The following NBEAL1 variants were observed in gnomAD, a reference collection of about 807,000 sequenced individuals.
The protein encoded by NBEAL1 is neurobeachin like 1.
Under a neutral mutation model 351.3 loss-of-function variants are expected in NBEAL1, and 273 were observed. That is an observed-to-expected ratio of 0.78 (90% confidence interval 0.70 to 0.86). NBEAL1 has a LOEUF of 0.86. Ranked by LOEUF, NBEAL1 falls within the 40% of genes least tolerant of loss-of-function variation. The pLI, the probability that NBEAL1 is intolerant of heterozygous loss-of-function variation, is 0.00. For synonymous variants in NBEAL1, 1,050 were observed against 1,086.4 expected (o/e 0.97, Z 0.66); for missense variants, 2,961 against 3,201.3 (o/e 0.92, Z 1.81).
At chr2:203,114,140 A>G (rs558403199) in intron 17 of NBEAL1, among the ~76,000 whole-genome samples, 1 of 152,200 alleles carries the variant, frequency 6.6e-6, no homozygotes, top group South Asian at 2.1e-4. Context: ...GTCTCTTATT[A>G]TAAGGGGTTC....
chr2:203,111,889 T>C, intron 15 of NBEAL1, 90 bp from the exon 16 acceptor site: 1 of 1,380,754 alleles, frequency 7.2e-7, no homozygotes, highest in Non-Finnish European at 9.8e-7. Flanking sequence ...CTACTATTTG[T>C]ACAAATTATA....
chr2:203,037,137 C>T (rs907209467), intron 2 of NBEAL1, among the ~76,000 whole-genome samples: 3 of 149,108 alleles, frequency 2.0e-5, no homozygotes, highest in Non-Finnish European at 4.5e-5. Flanking sequence ...ATTTTAGAAC[C>T]GTATATTAAT....
chr2:203,055,357 C>G (rs1472122204), intron 4 of NBEAL1, among the ~76,000 whole-genome samples: 1 of 151,924 alleles, frequency 6.6e-6, no homozygotes, highest in Non-Finnish European at 1.5e-5. Flanking sequence ...AATCCCAGAC[C>G]TTTGGGAGGC....
intron 46 of NBEAL1, among the ~76,000 whole-genome samples, chr2:203,191,956 C>G (rs1011922653): frequency 6.6e-6 from 1 of 152,186 alleles, no homozygotes; most frequent in African/African-American, 2.4e-5. Context: ...GCAACTTTCT[C>G]TTAATCATCT....
chr2:203,202,660 CATTTT>C (rs759832165), intron 50 of NBEAL1, 22 bp from the exon 51 acceptor site: 4 of 1,312,244 alleles, frequency 3.0e-6, no homozygotes, highest in Non-Finnish European at 3.3e-6. Flanking sequence ...CGAGGCATCT[CATTTT>C]ATTTAATTCC....
At chr2:203,114,172 C>T (rs1394619927) in intron 17 of NBEAL1, among the ~76,000 whole-genome samples, 1 of 152,082 alleles carries the variant, frequency 6.6e-6, no homozygotes. Flanking sequence ...GGCCCCATCC[C>T]GATGACTTCA....
chr2:203,084,405 G>A (rs2061927673), intron 9 of NBEAL1, 58 bp from the exon 10 acceptor site: 4 of 842,564 alleles, frequency 4.7e-6, no homozygotes, highest in Non-Finnish European at 7.0e-6. Flanking sequence ...TAGAGTAAAT[G>A]TTTGTATGAT....
chr2:203,192,435 A>G lies in NBEAL1; in HGVS notation c.6922-1360A>G, dbSNP rs1575111256. Among the ~76,000 whole-genome samples the G allele has an allele frequency of 5.4e-5, 8 of 148,836 alleles. No homozygotes were observed. The South Asian group carries it at 1.7e-3, about 32-fold the overall frequency. ...GTTTTGCCCTTGTTGCCCAGTCTGG[A>G]GTACAATGGCACAATCTCGGGTTAC... On this transcript the variant is annotated intron_variant, in intron 46 of 55. Transcript: ENST00000683969.
At chr2:203,209,749 T>TGTGTA (rs1553507784) in intron 53 of NBEAL1, among the ~76,000 whole-genome samples, 1 of 27,024 alleles carries the variant, frequency 3.7e-5, no homozygotes, top group African/African-American at 7.0e-5. Flanking sequence ...GTGTGTGTAT[T>TGTGTA]TTTTTCTGAG....
rs145886512 is a variant in NBEAL1 at position 203,100,981 on chromosome 2, A to G, written c.1269+1269A>G. On this transcript the variant is annotated intron_variant, in intron 12 of 55. Transcript: ENST00000683969. ...GACCTTTGTTGGATGCATGGTTTGC[A>G]AATAGTTTCTCCCATTCTGTAGGTT... 2.2e-3 allele frequency among the ~76,000 whole-genome samples: 337 copies of G among 152,292 alleles called. 5 individuals carry two copies. The highest frequency in any genetic ancestry group is 0.02 in the Admixed American group (313 of 15,294).
chr2:203,135,148 C>G (rs1388147961), intron 27 of NBEAL1, among the ~76,000 whole-genome samples: 2 of 149,218 alleles, frequency 1.3e-5, no homozygotes, highest in Non-Finnish European at 3.0e-5. Flanking sequence ...TGCACTGGTG[C>G]GACAGAGCAA....
rs529545257 is a variant in NBEAL1, at chr2:203,097,558, T to A, written c.1110T>A (p.Asn370Lys). 1 of 984,626 alleles carries A rather than the reference T, an allele frequency of 1.0e-6. No homozygotes were observed. The highest frequency in any genetic ancestry group is 1.7e-5 in the African/African-American group (1 of 57,350). The allele number at this position is 984,626 out of a possible 1,614,324, so 61.0% of individuals were successfully genotyped here. The change falls in exon 11 of 56, where the codon AAT becomes AAA. Residue 370 changes from asparagine to lysine, a missense_variant. Coordinates refer to ENST00000683969, the MANE Select transcript of NBEAL1 (RefSeq NM_001378026.1). Reference protein sequence around the residue: ...RLLQNCKLFLNANNKVADKNE... With the variant: ...RLLQNCKLFLKANNKVADKNE... ...TCTGTTTTTAACAGCTATTTTTAAA[T>A]GCTAACAATAAGGTGGCAGACAAGA...
rs1470969645 is a variant in NBEAL1 at position 203,223,927 on chromosome 2, G to C, written c.*6573G>C. ...TTAATCACTAAACACTTTAAGAAGTGGTTCTGGTAGGATATCAGTAGTCAG... is the reference window on the plus strand; with the variant it reads ...TTAATCACTAAACACTTTAAGAAGTCGTTCTGGTAGGATATCAGTAGTCAG... On this transcript the variant is annotated 3_prime_UTR_variant, in exon 56 of 56. Transcript: ENST00000683969. 1.3e-5 allele frequency among the ~76,000 whole-genome samples: 2 copies of C among 152,000 alleles called. No homozygotes were observed. Among genetic ancestry groups the C allele is most frequent in the Non-Finnish European group, 2.9e-5 (2 of 67,914 alleles).
intron 10 of NBEAL1, among the ~76,000 whole-genome samples, chr2:203,095,712 A>G (rs548367888): frequency 6.6e-6 from 1 of 152,178 alleles, no homozygotes; most frequent in East Asian, 1.9e-4. Flanking sequence ...AATATGAAAT[A>G]TTATTCCTTT....
At chr2:203,126,422 T>G in intron 21 of NBEAL1, 135 bp from the exon 22 acceptor site, 1 of 720,536 alleles carries the variant, frequency 1.4e-6, no homozygotes, top group Non-Finnish European at 2.1e-6. Flanking sequence ...AAACCAATAC[T>G]TAAGTTTTTA....
intron 37 of NBEAL1, among the ~76,000 whole-genome samples, chr2:203,167,024 G>A (rs1183186382): frequency 6.6e-6 from 1 of 152,136 alleles, no homozygotes; most frequent in Non-Finnish European, 1.5e-5. Flanking sequence ...ATTCTAATGG[G>A]AAGGCAGTAG....
rs1185915703 is a variant in NBEAL1, at chr2:203,219,716, T to C, written c.*2362T>C. On this transcript the variant is annotated 3_prime_UTR_variant, in exon 56 of 56. Coordinates refer to ENST00000683969, the MANE Select transcript of NBEAL1 (RefSeq NM_001378026.1). ...TAAAAATACAAAAATTAGCCGGGCA[T>C]GGTGGCACATGCCTATAGTCCCAGC... 2 of 152,128 alleles carry C rather than the reference T, an allele frequency of 1.3e-5. No homozygotes were observed. The highest frequency in any genetic ancestry group is 3.9e-4 in the East Asian group (2 of 5,182). 9.4% of individuals were successfully genotyped at this position (152,128 alleles called of 1,614,324 possible).
chr2:203,159,959 T>A (rs115175886), intron 36 of NBEAL1, among the ~76,000 whole-genome samples: 1 of 152,190 alleles, frequency 6.6e-6, no homozygotes, highest in African/African-American at 2.4e-5. Context: ...TGAAGTCGTT[T>A]CTATCTTATT....
chr2:203,220,628 AG>A lies in NBEAL1; in HGVS notation c.*3275del, dbSNP rs2065944145. On this transcript the variant is annotated 3_prime_UTR_variant, in exon 56 of 56. Coordinates refer to ENST00000683969, the MANE Select transcript of NBEAL1 (RefSeq NM_001378026.1). ...ATAATTATTTTACTTTTGGAAAATGAGATCAAGTATTAAAACATGTAATAGC... is the reference window on the plus strand; with the variant it reads ...ATAATTATTTTACTTTTGGAAAATGAATCAAGTATTAAAACATGTAATAGC... 6.6e-6 allele frequency among the ~76,000 whole-genome samples: 1 copy of A among 152,250 alleles called. No individual in the cohort carries two copies. The highest frequency in any genetic ancestry group is 6.5e-5 in the Admixed American group (1 of 15,280).
Sources: gnomAD v4.1 joint callset for allele counts (sites outside exome capture counted in the v4.1 genomes callset) on GRCh38, gnomAD v4.1.1 for gene constraint, MANE v1.5 for transcripts, NCBI Gene and HGNC (gene_info 2026-07-23, HGNC 2026-07-21) for gene names.